SPMAP2L: variants seen among roughly 807,000 people sequenced by gnomAD.
SPMAP2L encodes sperm microtubule associated protein 2 like.
chr4:56,588,081 A>AT, the SPMAP2L span, among the ~76,000 whole-genome samples: 6 of 152,040 alleles, frequency 3.9e-5, no homozygotes, highest in African/African-American at 1.4e-4. Flanking sequence ...GATGTTGAGC[A>AT]TTTTTTCATA....
the SPMAP2L span, chr4:56,593,876 A>G: frequency 6.2e-7 from 1 of 1,611,126 alleles, no homozygotes; most frequent in Non-Finnish European, 8.5e-7. Flanking sequence ...GCTGGAGCAT[A>G]TTGCTAGGAG....
chr4:56,557,538 A>G, the SPMAP2L span, among the ~76,000 whole-genome samples: 2 of 152,330 alleles, frequency 1.3e-5, no homozygotes, highest in South Asian at 2.1e-4. Context: ...GATTATACGA[A>G]TTTCAGAACA....
chr4:56,549,723 A>G, the SPMAP2L span, among the ~76,000 whole-genome samples: 1 of 152,222 alleles, frequency 6.6e-6, no homozygotes, highest in Admixed American at 6.5e-5. Flanking sequence ...TATCACACAT[A>G]AGAACTTACC....
At chr4:56,621,722 G>T in the SPMAP2L span, among the ~76,000 whole-genome samples, 1 of 152,182 alleles carries the variant, frequency 6.6e-6, no homozygotes, top group Non-Finnish European at 1.5e-5. Context: ...GATGTAAAAG[G>T]TTAGATATAC....
the SPMAP2L span, among the ~76,000 whole-genome samples, chr4:56,577,113 C>A: frequency 6.6e-6 from 1 of 152,126 alleles, no homozygotes; most frequent in African/African-American, 2.4e-5. Context: ...ACTTAAAGCA[C>A]TGAAGGATTG....
chr4:56,539,977 C>A, the SPMAP2L span, among the ~76,000 whole-genome samples: 130 of 152,304 alleles, frequency 8.5e-4, no homozygotes, highest in Non-Finnish European at 1.5e-3. Context: ...CTTTATCCTT[C>A]TCTATTCCAA....
At chr4:56,601,793 G>A in the SPMAP2L span, among the ~76,000 whole-genome samples, 1 of 152,026 alleles carries the variant, frequency 6.6e-6, no homozygotes, top group Non-Finnish European at 1.5e-5. Flanking sequence ...AGAAACTTAA[G>A]ATCTAGGAGA....
chr4:56,579,770 G>T, the SPMAP2L span, among the ~76,000 whole-genome samples: 2 of 152,234 alleles, frequency 1.3e-5, no homozygotes, highest in South Asian at 4.1e-4. Flanking sequence ...CCCTGATTTT[G>T]AGTTTCTCAG....
chr4:56,586,328 C>T, the SPMAP2L span, among the ~76,000 whole-genome samples: 14 of 152,272 alleles, frequency 9.2e-5, no homozygotes, highest in East Asian at 1.9e-4. Context: ...CAGACAACCA[C>T]GATTTTGCTG....
the SPMAP2L span, among the ~76,000 whole-genome samples, chr4:56,549,439 C>T: frequency 3.3e-5 from 5 of 152,134 alleles, no homozygotes; most frequent in South Asian, 1.0e-3. Flanking sequence ...ATCCCAATCT[C>T]CCTTGCCTCT....
At chr4:56,603,239 A>T in the SPMAP2L span, 1 of 1,534,894 alleles carries the variant, frequency 6.5e-7, no homozygotes, top group South Asian at 1.2e-5. Context: ...ATTATGATCC[A>T]GATGTCTTTA....
chr4:56,585,414 A>C, the SPMAP2L span, among the ~76,000 whole-genome samples: 1 of 152,142 alleles, frequency 6.6e-6, no homozygotes, highest in African/African-American at 2.4e-5. Context: ...TCATGTGATC[A>C]CAGCTCACTG....
the SPMAP2L span, chr4:56,596,544 TC>T: frequency 6.5e-7 from 1 of 1,533,222 alleles, no homozygotes; most frequent in Non-Finnish European, 8.7e-7. Flanking sequence ...CGATTGCAAC[TC>T]CAAGAATTAT....
chr4:56,543,986 G>GAC, the SPMAP2L span, among the ~76,000 whole-genome samples: 4 of 149,668 alleles, frequency 2.7e-5, no homozygotes, highest in Non-Finnish European at 4.5e-5. Context: ...GAGAGAGAGA[G>GAC]AGAGAGAGAG....
the SPMAP2L span, among the ~76,000 whole-genome samples, chr4:56,616,976 C>T: frequency 6.6e-6 from 1 of 152,136 alleles, no homozygotes; most frequent in Non-Finnish European, 1.5e-5. Flanking sequence ...TTTTAGTAGT[C>T]CCTGCTTGTC....
the SPMAP2L span, among the ~76,000 whole-genome samples, chr4:56,568,089 A>G: frequency 1.3e-5 from 2 of 152,126 alleles, no homozygotes; most frequent in African/African-American, 4.8e-5. Context: ...TGTCTCACCC[A>G]GAGTATTTTT....
chr4:56,610,382 T>C, the SPMAP2L span, among the ~76,000 whole-genome samples: 4 of 152,160 alleles, frequency 2.6e-5, no homozygotes, highest in African/African-American at 9.7e-5. Context: ...CCTGGGATAA[T>C]TGGCAAGCCA....
At chr4:56,621,013 G>T in the SPMAP2L span, among the ~76,000 whole-genome samples, 2 of 151,896 alleles carry the variant, frequency 1.3e-5, no homozygotes, top group Non-Finnish European at 2.9e-5. Flanking sequence ...ACTATAATTT[G>T]AAAGATTTTA....
chr4:56,548,819 A>G, the SPMAP2L span: 1 of 1,489,692 alleles, frequency 6.7e-7, no homozygotes. Context: ...CTTTGTAAGG[A>G]AATGGTAAGA....
Sources: allele counts gnomAD v4.1 joint callset (sites outside exome capture counted in the v4.1 genomes callset), GRCh38; gene constraint gnomAD v4.1.1; transcripts MANE v1.5; gene names NCBI Gene and HGNC (gene_info 2026-07-23, HGNC 2026-07-21).